Variants in CCBE1 observed in about 807,000 individuals in gnomAD.
The protein encoded by CCBE1 is collagen and calcium binding EGF domains 1, also known as collagen and calcium-binding EGF domain-containing protein 1.
A neutral mutation model predicts 50.0 loss-of-function variants in CCBE1; 37 were observed. The observed-to-expected ratio is 0.74, with a 90% CI of 0.57 to 0.97. The LOEUF (loss-of-function observed/expected upper bound fraction) is 0.97, where lower values mean the gene tolerates loss of function less well. Among genes scored for constraint, CCBE1 ranks in the 50% least tolerant of loss-of-function variants. The probability of loss-of-function intolerance (pLI) is 0.00; values close to 1 mark genes in which losing one functional copy is unlikely to be tolerated. For missense variants in CCBE1, 538 were observed against 523.8 expected (o/e 1.03, Z -0.26); for synonymous variants, 234 against 203.7 (o/e 1.15, Z -1.27).
At chr18:59,678,845 T>C (rs2054545807) in intron 2 of CCBE1, among the ~76,000 whole-genome samples, 1 of 152,170 alleles carries the variant, frequency 6.6e-6, no homozygotes, top group South Asian at 2.1e-4. Context: ...CATTTTTATA[T>C]TAGAGAAGCT....
chr18:59,518,684 G>T (rs1289524617), intron 2 of CCBE1, among the ~76,000 whole-genome samples: 1 of 152,182 alleles, frequency 6.6e-6, no homozygotes, highest in Non-Finnish European at 1.5e-5. Context: ...GATGCTTGCA[G>T]CAGACACTAT....
rs562246352 is a variant in CCBE1, at chr18:59,647,594, C to CT, written c.212+49034dup. ...GTTCATCTTTTTCAAAAAGAATATT[C>CT]TGTCTAGTTCGTATAATACAGTCTA... On this transcript the variant is annotated intron_variant, in intron 2 of 10. Transcript: ENST00000439986. 3.6e-3 allele frequency among the ~76,000 whole-genome samples: 547 copies of CT among 152,198 alleles called. 6 individuals carry two copies. The highest frequency in any genetic ancestry group is 6.3e-3 in the Non-Finnish European group (431 of 68,002).
chr18:59,498,920 C>T (rs755150044), intron 2 of CCBE1, among the ~76,000 whole-genome samples: 7 of 152,168 alleles, frequency 4.6e-5, no homozygotes, highest in Non-Finnish European at 8.8e-5. Flanking sequence ...CTGATAAACC[C>T]TAAGGCCAAG....
chr18:59,493,711 C>T (rs887465168), intron 2 of CCBE1, among the ~76,000 whole-genome samples: 19 of 152,060 alleles, frequency 1.2e-4, no homozygotes, highest in South Asian at 2.1e-4. Flanking sequence ...ATTTGGTAAA[C>T]GAGCAATGTG....
chr18:59,678,585 T>C (rs1220116868), intron 2 of CCBE1, among the ~76,000 whole-genome samples: 4 of 152,146 alleles, frequency 2.6e-5, no homozygotes, highest in Non-Finnish European at 5.9e-5. Flanking sequence ...CAGGCTGGAG[T>C]GCAGTGGTGT....
At chr18:59,630,350 G>A (rs2053835517) in intron 2 of CCBE1, among the ~76,000 whole-genome samples, 1 of 152,056 alleles carries the variant, frequency 6.6e-6, no homozygotes, top group Admixed American at 6.6e-5. Context: ...TCATAGTCAA[G>A]GTAATTAGAA....
intron 2 of CCBE1, among the ~76,000 whole-genome samples, chr18:59,619,232 C>T (rs1241482750): frequency 6.6e-6 from 1 of 152,146 alleles, no homozygotes; most frequent in East Asian, 1.9e-4. Context: ...TCTCTAATTA[C>T]TTGGACTATC....
chr18:59,545,206 C>T (rs1915632907), intron 2 of CCBE1, among the ~76,000 whole-genome samples: 1 of 152,148 alleles, frequency 6.6e-6, no homozygotes, highest in Non-Finnish European at 1.5e-5. Flanking sequence ...TAAATATATG[C>T]ATCTCTATAT....
intron 2 of CCBE1, among the ~76,000 whole-genome samples, chr18:59,544,612 G>A (rs1202725351): frequency 6.6e-6 from 1 of 152,140 alleles, no homozygotes; most frequent in Non-Finnish European, 1.5e-5. Context: ...GGTTTCAAGA[G>A]CTTCACAGCA....
chr18:59,677,698 TAA>T (rs368737063), intron 2 of CCBE1, among the ~76,000 whole-genome samples: 2 of 148,176 alleles, frequency 1.3e-5, no homozygotes, highest in Non-Finnish European at 3.0e-5. Flanking sequence ...ATTATCTCTT[TAA>T]AAAAAAAAAA....
chr18:59,536,582 C>A, intron 2 of CCBE1, among the ~76,000 whole-genome samples: 1 of 152,156 alleles, frequency 6.6e-6, no homozygotes, highest in Non-Finnish European at 1.5e-5. Context: ...AGGGGAACTG[C>A]AACTTGGCAA....
intron 3 of CCBE1, among the ~76,000 whole-genome samples, chr18:59,471,623 C>A (rs574438709): frequency 6.6e-6 from 1 of 152,290 alleles, no homozygotes; most frequent in Admixed American, 6.5e-5. Context: ...TGAGCTTTCC[C>A]TCTTAGCTTC....
chr18:59,493,545 C>CTTTT (rs56316631), intron 2 of CCBE1, among the ~76,000 whole-genome samples: 1 of 149,258 alleles, frequency 6.7e-6, no homozygotes, highest in African/African-American at 2.5e-5. Flanking sequence ...CTCATAAAAA[C>CTTTT]TTTTTTTTTT....
At chr18:59,602,026 T>C (rs986205244) in intron 2 of CCBE1, among the ~76,000 whole-genome samples, 1 of 150,696 alleles carries the variant, frequency 6.6e-6, no homozygotes, top group Non-Finnish European at 1.5e-5. Flanking sequence ...ACAGCAAGAC[T>C]GGAGTAAGAA....
intron 3 of CCBE1, among the ~76,000 whole-genome samples, chr18:59,477,787 A>C (rs1912383546): frequency 6.6e-6 from 1 of 152,198 alleles, no homozygotes; most frequent in African/African-American, 2.4e-5. Flanking sequence ...TAGTTGCAGC[A>C]TGTCAGATGA....
At chr18:59,641,698 C>T (rs1255474800) in intron 2 of CCBE1, among the ~76,000 whole-genome samples, 1 of 152,106 alleles carries the variant, frequency 6.6e-6, no homozygotes, top group East Asian at 1.9e-4. Flanking sequence ...ATATAGTAAT[C>T]AGAATAGCTT....
At chr18:59,621,692 T>C (rs148197039) in intron 2 of CCBE1, among the ~76,000 whole-genome samples, 2 of 152,348 alleles carry the variant, frequency 1.3e-5, no homozygotes, top group Non-Finnish European at 2.9e-5. Flanking sequence ...AGCAAACTCA[T>C]ATCTCTCCGA....
Position 59,507,190 on chromosome 18 carries a change from A to T in CCBE1, c.213-26952T>A, listed in dbSNP as rs183020139. 2.6e-5 allele frequency among the ~76,000 whole-genome samples: 4 copies of T among 152,258 alleles called. No individual in the cohort carries two copies. In the East Asian group the frequency reaches 7.7e-4, roughly 29 times the overall value. On this transcript the variant is annotated intron_variant, in intron 2 of 10. Coordinates refer to ENST00000439986, the MANE Select transcript of CCBE1 (RefSeq NM_133459.4). ...TTTCCAAAACCAACATCCTCCTTGC[A>T]ATTGCTCATCTCATTCCCCTAAACC...
chr18:59,454,040 G>A lies in CCBE1; in HGVS notation c.654+811C>T, dbSNP rs187156078. 3.0e-3 allele frequency among the ~76,000 whole-genome samples: 460 copies of A among 152,216 alleles called. 2 individuals are homozygous for A. Among genetic ancestry groups the A allele is most frequent in the African/African-American group, 0.01 (424 of 41,538 alleles). ...CACAGGGCTGCTTTTCTAGGTGCAGGAAACTCAGAAAGGGCATAGACTATA... is the reference window on the plus strand; with the variant it reads ...CACAGGGCTGCTTTTCTAGGTGCAGAAAACTCAGAAAGGGCATAGACTATA... On this transcript the variant is annotated intron_variant, in intron 6 of 10. Transcript: ENST00000439986.
Sources: gnomAD v4.1 joint callset for allele counts (sites outside exome capture counted in the v4.1 genomes callset) on GRCh38, gnomAD v4.1.1 for gene constraint, MANE v1.5 for transcripts, NCBI Gene and HGNC (gene_info 2026-07-23, HGNC 2026-07-21) for gene names.